Variants in FAM151B observed in about 807,000 individuals in gnomAD.
FAM151B encodes the protein family with sequence similarity 151 member B.
In FAM151B, 24 loss-of-function variants were observed where a neutral mutation model predicts 31.2. The ratio of observed to expected loss-of-function variants is 0.77; its 90% confidence interval spans 0.56 to 1.08. FAM151B has a LOEUF of 1.08. Among genes scored for constraint, FAM151B ranks in the 50% least tolerant of loss-of-function variants. The pLI, the probability that FAM151B is intolerant of heterozygous loss-of-function variation, is 0.00. For missense variants in FAM151B, 293 were observed against 328.6 expected (o/e 0.89, Z 0.84); for synonymous variants, 105 against 111.4 (o/e 0.94, Z 0.36).
intron 1 of FAM151B, among the ~76,000 whole-genome samples, chr5:80,489,901 G>A (rs1437287794): frequency 6.6e-6 from 1 of 152,104 alleles, no homozygotes; most frequent in Non-Finnish European, 1.5e-5. Context: ...TCCAGCCTGA[G>A]CAACAGAGAG....
intron 1 of FAM151B, among the ~76,000 whole-genome samples, chr5:80,499,278 A>G (rs1330345580): frequency 6.6e-6 from 1 of 152,218 alleles, no homozygotes; most frequent in African/African-American, 2.4e-5. Flanking sequence ...AGTCTTGGTT[A>G]ACTCACAAGT....
At chr5:80,510,850 A>G (rs191708856) in intron 2 of FAM151B, 8 of 152,332 alleles carry the variant, frequency 5.3e-5, no homozygotes, top group African/African-American at 1.9e-4. Flanking sequence ...AGCTTTTAGT[A>G]AATTAAAGCT....
chr5:80,488,217 C>T, intron 1 of FAM151B, 69 bp downstream of exon 1: 7 of 1,494,382 alleles, frequency 4.7e-6, no homozygotes, highest in Non-Finnish European at 6.3e-6. Flanking sequence ...GCCGTACCCT[C>T]CCTTTGCGGG....
chr5:80,494,443 TTTTC>T (rs869249722), intron 1 of FAM151B, among the ~76,000 whole-genome samples: 1 of 84,390 alleles, frequency 1.2e-5, no homozygotes, highest in South Asian at 4.0e-4. Flanking sequence ...CTTTCTTTCT[TTTTC>T]TTTCTTTCTT....
Position 80,542,518 on chromosome 5 carries a change from C to A in FAM151B, c.*686C>A, listed in dbSNP as rs1293718851. ...TGTTTTCCAAGTTTCTTACTGCCAC[C>A]ACCTTCATTCAGGTCCTTGTTCTAC... is the stretch of plus-strand genomic sequence containing the variant. On this transcript the variant is annotated 3_prime_UTR_variant, in exon 6 of 6. Transcript: ENST00000282226. 6.6e-6 allele frequency: 1 copy of A among 151,880 alleles called. No individual in the cohort carries two copies. The highest frequency in any genetic ancestry group is 2.4e-5 in the African/African-American group (1 of 41,344). The allele number at this position is 151,880 out of a possible 1,614,324, so 9.4% of individuals were successfully genotyped here.
intron 2 of FAM151B, 87 bp downstream of exon 2, chr5:80,502,004 T>C: frequency 9.9e-7 from 1 of 1,009,482 alleles, no homozygotes. Flanking sequence ...TTGCAGATAC[T>C]AGAGACAGGT....
chr5:80,513,889 C>A, intron 3 of FAM151B, 120 bp downstream of exon 3: 1 of 1,035,622 alleles, frequency 9.7e-7, no homozygotes, highest in Non-Finnish European at 1.3e-6. Flanking sequence ...TATTTCAGGA[C>A]TGAACCTAAA....
chr5:80,504,686 A>AT (rs753555003), intron 2 of FAM151B, among the ~76,000 whole-genome samples: 1 of 151,608 alleles, frequency 6.6e-6, no homozygotes, highest in African/African-American at 2.4e-5. Flanking sequence ...TGCCCAGCTA[A>AT]TTTTTGTATT....
intron 5 of FAM151B, among the ~76,000 whole-genome samples, chr5:80,533,468 G>A (rs139934546): frequency 3.2e-4 from 48 of 150,362 alleles, no homozygotes; most frequent in African/African-American, 1.1e-3. Flanking sequence ...TAAAGATCAG[G>A]CCGAGCGAGC....
intron 5 of FAM151B, among the ~76,000 whole-genome samples, chr5:80,538,681 C>A (rs1208241940): frequency 2.0e-5 from 3 of 151,284 alleles, no homozygotes; most frequent in African/African-American, 7.3e-5. Context: ...ACTGCAACCT[C>A]TGCTTCCTAG....
intron 2 of FAM151B, chr5:80,511,034 C>T (rs1233475662): frequency 1.3e-5 from 2 of 152,072 alleles, no homozygotes; most frequent in Non-Finnish European, 2.9e-5. Flanking sequence ...CCCAAAACAG[C>T]ATAGAAACAT....
chr5:80,498,997 C>T (rs1167625470), intron 1 of FAM151B: 2 of 187,820 alleles, frequency 1.1e-5, no homozygotes, highest in African/African-American at 2.4e-5. Context: ...GGCAGCTCCA[C>T]CACAGATGGC....
intron 5 of FAM151B, among the ~76,000 whole-genome samples, chr5:80,529,865 G>T (rs1745147997): frequency 2.4e-5 from 3 of 127,150 alleles, no homozygotes; most frequent in African/African-American, 3.5e-5. Context: ...GAAAAAGAGG[G>T]AATCCTCCCT....
chr5:80,513,459 C>G, intron 2 of FAM151B, 145 bp from the exon 3 acceptor site: 1 of 707,122 alleles, frequency 1.4e-6, no homozygotes, highest in South Asian at 2.2e-5. Context: ...ACCTTGTATA[C>G]TGCCTGGCAT....
intron 1 of FAM151B, among the ~76,000 whole-genome samples, chr5:80,490,407 C>T (rs560431647): frequency 7.4e-4 from 113 of 152,322 alleles, no homozygotes; most frequent in African/African-American, 2.7e-3. Context: ...AAAATCCTTA[C>T]TGATGTACAA....
chr5:80,514,972 G>A (rs1744357840), intron 3 of FAM151B, among the ~76,000 whole-genome samples: 1 of 152,144 alleles, frequency 6.6e-6, no homozygotes, highest in South Asian at 2.1e-4. Context: ...GGGCACGGTG[G>A]CTCACGCTTG....
At chr5:80,506,245 T>G (rs1017913226) in intron 2 of FAM151B, among the ~76,000 whole-genome samples, 4 of 152,236 alleles carry the variant, frequency 2.6e-5, no homozygotes, top group Non-Finnish European at 4.4e-5. Flanking sequence ...AAAGTAATTA[T>G]AATTACCAAA....
At chr5:80,500,749 G>A in intron 1 of FAM151B, 7 of 1,067,084 alleles carry the variant, frequency 6.6e-6, no homozygotes, top group Non-Finnish European at 1.0e-5. Context: ...GCCATATATA[G>A]CATGGGGGTA....
At chr5:80,501,522 A>G in intron 1 of FAM151B, 1 of 398,730 alleles carries the variant, frequency 2.5e-6, no homozygotes, top group Non-Finnish European at 4.4e-6. Flanking sequence ...CAACATGAGG[A>G]CTCCAGGTAA....
Sources: allele counts gnomAD v4.1 joint callset (sites outside exome capture counted in the v4.1 genomes callset), GRCh38; gene constraint gnomAD v4.1.1; transcripts MANE v1.5; gene names NCBI Gene and HGNC (gene_info 2026-07-23, HGNC 2026-07-21).